NCKAP5: variants seen among roughly 807,000 people sequenced by gnomAD.
NCKAP5 encodes NCK associated protein 5.
In NCKAP5, 92 loss-of-function variants were observed where a neutral mutation model predicts 167.0. The ratio of observed to expected loss-of-function variants is 0.55; its 90% confidence interval spans 0.47 to 0.66. The LOEUF (loss-of-function observed/expected upper bound fraction) is 0.66, where lower values mean the gene tolerates loss of function less well. Among genes scored for constraint, NCKAP5 ranks in the 30% least tolerant of loss-of-function variants. The pLI, the probability that NCKAP5 is intolerant of heterozygous loss-of-function variation, is 0.00. For synonymous variants in NCKAP5, 891 were observed against 877.4 expected (o/e 1.02, Z -0.27); for missense variants, 2,378 against 2,315.0 (o/e 1.03, Z -0.56).
intron 3 of NCKAP5, among the ~76,000 whole-genome samples, chr2:133,395,806 G>T (rs923727013): frequency 6.6e-6 from 1 of 151,838 alleles, no homozygotes; most frequent in Admixed American, 6.6e-5. Flanking sequence ...ACCACACTCG[G>T]CTATTTTTTA....
At chr2:133,145,130 T>G (rs1559188973) in intron 5 of NCKAP5, among the ~76,000 whole-genome samples, 1 of 152,106 alleles carries the variant, frequency 6.6e-6, no homozygotes, top group Non-Finnish European at 1.5e-5. Context: ...TTTTATTATT[T>G]AAATACATTT....
chr2:133,119,343 C>G (rs1046261026), intron 6 of NCKAP5, among the ~76,000 whole-genome samples: 1 of 152,110 alleles, frequency 6.6e-6, no homozygotes, highest in South Asian at 2.1e-4. Context: ...ATCTATCCCA[C>G]TGGCTCAAGA....
At chr2:133,067,846 G>A (rs1233800036) in intron 6 of NCKAP5, among the ~76,000 whole-genome samples, 2 of 152,146 alleles carry the variant, frequency 1.3e-5, no homozygotes, top group Non-Finnish European at 2.9e-5. Flanking sequence ...GGGATGAGGG[G>A]AATGCTCTTG....
In NCKAP5 at chr2:133,102,851, G is replaced by A. The variant is rs906351441; in HGVS notation, c.341+27127C>T. On this transcript the variant is annotated intron_variant, in intron 6 of 19. Transcript: ENST00000409261. Reference sequence around the variant, plus strand: ...ACTAACAATAACAAGGCTCTGAAGTGGTATGAGTTCAAGACTGAGCTCCCA... The same window carrying A: ...ACTAACAATAACAAGGCTCTGAAGTAGTATGAGTTCAAGACTGAGCTCCCA... Among the ~76,000 whole-genome samples, 14 of 151,866 alleles carry A rather than the reference G, an allele frequency of 9.2e-5. No individual in the cohort carries two copies. In the East Asian group the frequency reaches 2.7e-3, roughly 29 times the overall value.
In NCKAP5 at chr2:133,303,081, C is replaced by T. The variant is rs1208744591; in HGVS notation, c.99G>A (p.Glu33=). 6.9e-6 allele frequency: 11 copies of T among 1,596,204 alleles called. No individual in the cohort carries two copies. The highest frequency in any genetic ancestry group is 1.3e-5 in the African/African-American group (1 of 74,780). Residue 33 remains glutamate (E), a synonymous_variant, in exon 4 of 20, where the codon GAG becomes GAA. Coordinates refer to ENST00000409261, the MANE Select transcript of NCKAP5 (RefSeq NM_207363.3). The stretch of plus-strand genomic sequence containing the variant: ...GCTCCTCAAGCTGAGTCAGCAGATG[C>T]TCAATGTATTTATTGGAGTCCATGT... ...VEYMDSNKYI[E]HLLTQLEEQH...
At chr2:132,808,521 C>G (rs1685612279) in intron 11 of NCKAP5, among the ~76,000 whole-genome samples, 1 of 152,100 alleles carries the variant, frequency 6.6e-6, no homozygotes, top group Non-Finnish European at 1.5e-5. Context: ...TTATCCATCT[C>G]TTCTAGGTTT....
At chr2:133,565,380 T>A (rs189610034) in intron 1 of NCKAP5, among the ~76,000 whole-genome samples, 3 of 152,360 alleles carry the variant, frequency 2.0e-5, no homozygotes, top group East Asian at 3.9e-4. Context: ...TTGTGCCTAT[T>A]GTTTTAGCTA....
intron 3 of NCKAP5, among the ~76,000 whole-genome samples, chr2:133,384,369 A>C (rs1210456312): frequency 6.6e-6 from 1 of 152,058 alleles, no homozygotes; most frequent in Non-Finnish European, 1.5e-5. Context: ...ATAGCTATAG[A>C]TGTGTGGTAT....
At chr2:133,665,738 T>G in the NCKAP5 span, among the ~76,000 whole-genome samples, 1 of 152,202 alleles carries the variant, frequency 6.6e-6, no homozygotes, top group South Asian at 2.1e-4. Flanking sequence ...CGACGTGCGA[T>G]AAAGCAAAGC....
intron 4 of NCKAP5, among the ~76,000 whole-genome samples, chr2:133,302,702 A>AG: frequency 6.9e-6 from 1 of 145,366 alleles, no homozygotes; most frequent in Non-Finnish European, 1.5e-5. Flanking sequence ...TAGTGGGTGC[A>AG]GCGCACCAGC....
chr2:132,746,705 G>T (rs1192628507), intron 16 of NCKAP5, among the ~76,000 whole-genome samples: 2 of 151,994 alleles, frequency 1.3e-5, no homozygotes, highest in East Asian at 3.9e-4. Context: ...AGCCCCAACC[G>T]GAAACTATCA....
At chr2:132,788,483 T>G (rs965519334) in intron 13 of NCKAP5, among the ~76,000 whole-genome samples, 2 of 152,188 alleles carry the variant, frequency 1.3e-5, no homozygotes, top group African/African-American at 4.8e-5. Flanking sequence ...GGCTCTGCCA[T>G]GTACTGCCTG....
intron 3 of NCKAP5, among the ~76,000 whole-genome samples, chr2:133,412,879 T>C (rs1208631364): frequency 6.6e-6 from 1 of 152,258 alleles, no homozygotes; most frequent in African/African-American, 2.4e-5. Context: ...ATTTCAAAAT[T>C]CTGGCACAAA....
intron 15 of NCKAP5, among the ~76,000 whole-genome samples, chr2:132,780,701 G>A (rs964961390): frequency 6.6e-6 from 1 of 152,094 alleles, no homozygotes; most frequent in Non-Finnish European, 1.5e-5. Flanking sequence ...TTGGTGGCAG[G>A]TGATGTTAGA....
At chr2:133,421,401 A>G (rs761523686) in intron 3 of NCKAP5, among the ~76,000 whole-genome samples, 5 of 152,328 alleles carry the variant, frequency 3.3e-5, no homozygotes, top group Non-Finnish European at 5.9e-5. Context: ...TCACCTGAGC[A>G]TTCAAAATGC....
the NCKAP5 span, among the ~76,000 whole-genome samples, chr2:133,626,891 A>T: frequency 6.6e-6 from 1 of 151,984 alleles, no homozygotes; most frequent in African/African-American, 2.4e-5. Context: ...AAGTTAAGGA[A>T]AGTAGTTATT....
intron 8 of NCKAP5, among the ~76,000 whole-genome samples, chr2:132,937,145 T>C (rs538488731): frequency 6.6e-6 from 1 of 152,240 alleles, no homozygotes; most frequent in South Asian, 2.1e-4. Context: ...CATAAATACG[T>C]CAATGCCCAG....
Position 132,750,749 on chromosome 2 carries a change from G to A in NCKAP5, c.5129-18698C>T, listed in dbSNP as rs189182830. On this transcript the variant is annotated intron_variant, in intron 16 of 19. Transcript: ENST00000409261. Reference sequence around the variant, plus strand: ...ACAGTGAGTACCATTGCTGAAGGTGGGATTAAGCAGAAAGCCAGGGCAGCT... The same window carrying A: ...ACAGTGAGTACCATTGCTGAAGGTGAGATTAAGCAGAAAGCCAGGGCAGCT... Among the ~76,000 whole-genome samples, 4 of 152,252 alleles carry A rather than the reference G, an allele frequency of 2.6e-5. No individual in the cohort carries two copies. In the East Asian group the frequency reaches 5.8e-4, roughly 22 times the overall value.
intron 6 of NCKAP5, among the ~76,000 whole-genome samples, chr2:133,102,511 A>G (rs1249024813): frequency 6.6e-6 from 1 of 151,858 alleles, no homozygotes; most frequent in Non-Finnish European, 1.5e-5. Context: ...CAGGGAAGGA[A>G]AAAGGGAAGA....
Sources: gnomAD v4.1 joint callset for allele counts (sites outside exome capture counted in the v4.1 genomes callset) on GRCh38, gnomAD v4.1.1 for gene constraint, MANE v1.5 for transcripts, NCBI Gene and HGNC (gene_info 2026-07-23, HGNC 2026-07-21) for gene names.